Variants in GARNL3 observed in about 807,000 individuals in gnomAD.
The protein encoded by GARNL3 is GTPase activating Rap/RanGAP domain like 3, also known as GTPase-activating Rap/Ran-GAP domain-like protein 3.
In GARNL3, 63 loss-of-function variants were observed where a neutral mutation model predicts 125.0. That is an observed-to-expected ratio of 0.50 (90% CI 0.41 to 0.62). GARNL3 has a LOEUF of 0.62. GARNL3 is among the 20% of genes least tolerant of loss of function. GARNL3 has a pLI of 0.00. For missense variants in GARNL3, 994 were observed against 1,244.0 expected (o/e 0.80, Z 3.02); for synonymous variants, 439 against 457.5 (o/e 0.96, Z 0.52).
intron 2 of GARNL3, among the ~76,000 whole-genome samples, chr9:127,246,931 C>CTTTTTTTTT: frequency 1.0e-5 from 1 of 99,266 alleles, no homozygotes; most frequent in Non-Finnish European, 1.9e-5. Flanking sequence ...GACCTTCCTT[C>CTTTTTTTTT]TTTTTTTTTT....
intron 22 of GARNL3, among the ~76,000 whole-genome samples, chr9:127,369,733 C>T (rs112233494): frequency 5.9e-5 from 9 of 152,292 alleles, no homozygotes; most frequent in African/African-American, 1.7e-4. Context: ...GATGACTCTT[C>T]AGAGACTTGC....
At chr9:127,282,122 T>TA (rs1162940126) in intron 1 of GARNL3, among the ~76,000 whole-genome samples, 1 of 152,214 alleles carries the variant, frequency 6.6e-6, no homozygotes, top group Non-Finnish European at 1.5e-5. Context: ...GTGTGTCTCT[T>TA]ACTCCCTCTA....
chr9:127,384,999 G>A lies in GARNL3; in HGVS notation c.2270-28G>A. 6.9e-7 allele frequency: 1 copy of A among 1,449,828 alleles called. No individual in the cohort carries two copies. The highest frequency in any genetic ancestry group is 9.6e-7 in the Non-Finnish European group (1 of 1,041,038). 89.8% of individuals were successfully genotyped at this position (1,449,828 alleles called of 1,614,324 possible). On this transcript the variant is annotated intron_variant, in intron 23 of 27. Transcript: ENST00000373387. The surrounding 1 kb of genome is among the most constrained non-coding windows in gnomAD (Gnocchi z 4.0). ...CTTCGCGGCCACCAAGCCAGCAGCT[G>A]GGAGGTGACACTCCCGTTCCCTTGC...
chr9:127,261,633 G>A (rs564741400), upstream of GARNL3, among the ~76,000 whole-genome samples: 35 of 151,972 alleles, frequency 2.3e-4, no homozygotes, highest in African/African-American at 8.2e-4. Context: ...TGCTGGTCTC[G>A]AACTCCCGAC....
chr9:127,390,593 G>A lies in GARNL3; in HGVS notation c.2744-48G>A, dbSNP rs201632883. ...AAAAATAAGGGTCTTTTCTGTCTCC[G>A]TGGCAGCCCTGTGGTAGTGACCCTC... On this transcript the variant is annotated intron_variant, in intron 26 of 27. Coordinates refer to ENST00000373387, the MANE Select transcript of GARNL3 (RefSeq NM_032293.5). 1.6e-5 allele frequency: 26 copies of A among 1,589,132 alleles called. No homozygotes were observed. In the African/African-American group the frequency reaches 2.2e-4, roughly 13 times the overall value.
intron 1 of GARNL3, among the ~76,000 whole-genome samples, chr9:127,229,741 A>T (rs561898562): frequency 4.3e-4 from 65 of 152,090 alleles, no homozygotes; most frequent in Non-Finnish European, 9.1e-4. Flanking sequence ...AAGCTATCCT[A>T]CTGCCTTGGC....
At chr9:127,341,643 G>A (rs1829865674) in intron 13 of GARNL3, among the ~76,000 whole-genome samples, 1 of 152,162 alleles carries the variant, frequency 6.6e-6, no homozygotes, top group African/African-American at 2.4e-5. Flanking sequence ...GGGGGCCTGT[G>A]GCAAGGAAGG....
intron 1 of GARNL3, among the ~76,000 whole-genome samples, chr9:127,286,015 C>T (rs945619555): frequency 4.2e-4 from 34 of 81,592 alleles, no homozygotes; most frequent in African/African-American, 1.0e-3. Flanking sequence ...CCTCTTTATC[C>T]ACTTTCTCAT....
At chr9:127,288,144 A>G (rs2064307251) in intron 1 of GARNL3, among the ~76,000 whole-genome samples, 1 of 152,182 alleles carries the variant, frequency 6.6e-6, no homozygotes, top group Admixed American at 6.5e-5. Context: ...GTGGGAACCA[A>G]ATAATCATGC....
chr9:127,342,978 A>T (rs753237940), intron 14 of GARNL3, among the ~76,000 whole-genome samples: 2 of 145,830 alleles, frequency 1.4e-5, no homozygotes, highest in African/African-American at 2.5e-5. Flanking sequence ...GCTCACTGCA[A>T]CCTCCACCTC....
At chr9:127,371,809 G>T (rs935407828) in intron 22 of GARNL3, among the ~76,000 whole-genome samples, 1 of 152,244 alleles carries the variant, frequency 6.6e-6, no homozygotes, top group African/African-American at 2.4e-5. Context: ...ACAAAATAAA[G>T]AATCCAGAAA....
Position 127,357,370 on chromosome 9 carries a change from C to A in GARNL3, c.2087C>A (p.Ala696Asp), listed in dbSNP as rs754707312. The A allele has an allele frequency of 1.2e-6, 2 of 1,613,526 alleles. No individual in the cohort carries two copies. Among genetic ancestry groups the A allele is most frequent in the African/African-American group, 2.7e-5 (2 of 74,918 alleles). Reference sequence around the variant, plus strand: ...GCCTTCAGGCTGCACCACGTGGAGGCCAACAGGGTAAGCCAGCGGTTGTGG... The same window carrying A: ...GCCTTCAGGCTGCACCACGTGGAGGACAACAGGGTAAGCCAGCGGTTGTGG... ...GEAFRLHHVE[A>D]NRVNFVAAID... is the part of the protein sequence containing the mutation. Residue 696 changes from alanine (A) to aspartate (D), a missense_variant, in exon 21 of 28, where the codon GCC becomes GAC. Ala to Asp is a moderately radical substitution (Grantham distance 126). Transcript: ENST00000373387.
At chr9:127,374,490 C>T (rs754070737) in intron 22 of GARNL3, among the ~76,000 whole-genome samples, 8 of 152,000 alleles carry the variant, frequency 5.3e-5, no homozygotes, top group Non-Finnish European at 7.4e-5. Context: ...AAGCATAATC[C>T]ATAAAAGAAA....
intron 8 of GARNL3, 36 bp from the exon 9 acceptor site, chr9:127,332,987 G>A (rs756220202): frequency 1.4e-6 from 2 of 1,395,438 alleles, no homozygotes; most frequent in Non-Finnish European, 2.0e-6. Context: ...ACTTGTTGAT[G>A]CCCATACTTT....
intron 17 of GARNL3, among the ~76,000 whole-genome samples, chr9:127,350,514 C>T (rs1366937771): frequency 1.3e-5 from 2 of 151,982 alleles, no homozygotes; most frequent in African/African-American, 4.8e-5. Flanking sequence ...GTGGCTCACG[C>T]CTGTAATCCC....
chr9:127,306,220 G>A (rs2064949048), intron 2 of GARNL3, among the ~76,000 whole-genome samples: 1 of 152,206 alleles, frequency 6.6e-6, no homozygotes, highest in South Asian at 2.1e-4. Context: ...GAAAACAGTT[G>A]TATTGAAATA....
At chr9:127,294,057 G>C (rs2064507780) in intron 2 of GARNL3, among the ~76,000 whole-genome samples, 1 of 152,132 alleles carries the variant, frequency 6.6e-6, no homozygotes, top group Non-Finnish European at 1.5e-5. Flanking sequence ...TCAGTGTGCA[G>C]CCCTTTGGGA....
chr9:127,333,006 T>A lies in GARNL3; in HGVS notation c.671-17T>A. 1 of 1,575,496 alleles carries A rather than the reference T, an allele frequency of 6.3e-7. No individual in the cohort carries two copies. The highest frequency in any genetic ancestry group is 8.7e-7 in the Non-Finnish European group (1 of 1,144,882). ...GTTGATGCCCATACTTTCCTCATAC[T>A]CTACTTCTTCCTGCAGAAATTGGAA... On this transcript the variant is annotated splice_polypyrimidine_tract_variant and intron_variant, in intron 8 of 27. Coordinates refer to ENST00000373387, the MANE Select transcript of GARNL3 (RefSeq NM_032293.5).
intron 2 of GARNL3, among the ~76,000 whole-genome samples, chr9:127,252,945 C>T (rs943894749): frequency 6.6e-6 from 1 of 152,182 alleles, no homozygotes; most frequent in Non-Finnish European, 1.5e-5. Context: ...ATGTCACAAT[C>T]TATTCATTAT....
Sources: allele counts gnomAD v4.1 joint callset (sites outside exome capture counted in the v4.1 genomes callset), GRCh38; gene constraint gnomAD v4.1.1; non-coding constraint Gnocchi (gnomAD v3.1); transcripts MANE v1.5; gene names NCBI Gene and HGNC (gene_info 2026-07-23, HGNC 2026-07-21).